The following CSMD1 variants were observed in gnomAD, a reference collection of about 807,000 sequenced individuals.
CSMD1 encodes the protein CUB and sushi domain-containing protein 1.
CSMD1 carries 213 observed loss-of-function variants against 417.5 expected under a neutral mutation model. That is an observed-to-expected ratio of 0.51 (90% CI 0.46 to 0.57). The LOEUF is 0.57. Ranked by LOEUF, CSMD1 falls within the 20% of genes least tolerant of loss-of-function variation. The pLI, the probability that CSMD1 is intolerant of heterozygous loss-of-function variation, is 0.00. For synonymous variants in CSMD1, 2,862 were observed against 1,736.8 expected (o/e 1.65, Z -16.11); for missense variants, 6,923 against 4,529.7 (o/e 1.53, Z -15.17).
Position 4,745,920 on chromosome 8 carries a change from C to T in CSMD1, c.86-108362G>A, listed in dbSNP as rs547836267. Among the ~76,000 whole-genome samples the T allele has an allele frequency of 3.3e-5, 5 of 152,308 alleles. No individual in the cohort carries two copies. In the South Asian group the frequency reaches 1.0e-3, roughly 32 times the overall value. ...ACTTCCGTGCAATCAAGTCAGCTAA[C>T]TTTTGAGCCACCATTTCCCCATTTG... On this transcript the variant is annotated intron_variant, in intron 1 of 69. Coordinates refer to ENST00000635120, the MANE Select transcript of CSMD1 (RefSeq NM_033225.6).
At chr8:4,824,907 C>G (rs1011121258) in intron 1 of CSMD1, among the ~76,000 whole-genome samples, 1 of 152,044 alleles carries the variant, frequency 6.6e-6, no homozygotes, top group South Asian at 2.1e-4. Context: ...GCTGTTACTG[C>G]TACACAAATG....
At chr8:4,879,151 TA>T (rs1372415609) in intron 1 of CSMD1, among the ~76,000 whole-genome samples, 1 of 151,980 alleles carries the variant, frequency 6.6e-6, no homozygotes, top group Non-Finnish European at 1.5e-5. Flanking sequence ...GTGGCAGCTT[TA>T]AAAAATATAA....
chr8:3,152,470 A>C (rs1819257230), intron 39 of CSMD1, among the ~76,000 whole-genome samples: 1 of 152,238 alleles, frequency 6.6e-6, no homozygotes, highest in Non-Finnish European at 1.5e-5. Context: ...ATTTTCTGGA[A>C]GCCCTCTTTT....
intron 3 of CSMD1, among the ~76,000 whole-genome samples, chr8:4,174,593 G>C (rs891704940): frequency 2.7e-5 from 4 of 149,958 alleles, no homozygotes; most frequent in Admixed American, 2.0e-4. Context: ...GATACACAAT[G>C]TCTGAAGCCT....
intron 1 of CSMD1, among the ~76,000 whole-genome samples, chr8:4,831,968 G>A (rs1007095409): frequency 6.6e-6 from 1 of 152,202 alleles, no homozygotes; most frequent in African/African-American, 2.4e-5. Flanking sequence ...GAGAAAAAGT[G>A]AGGGGAACTC....
At chr8:3,720,620 T>TTCTCTCACAC (rs72331833) in intron 6 of CSMD1, among the ~76,000 whole-genome samples, 114 of 143,418 alleles carry the variant, frequency 7.9e-4, no homozygotes, top group Non-Finnish European at 1.2e-3. Context: ...TCTTTATTCT[T>TTCTCTCACAC]ACACACACAC....
chr8:4,720,807 A>G (rs1360594361), intron 1 of CSMD1, among the ~76,000 whole-genome samples: 1 of 152,160 alleles, frequency 6.6e-6, no homozygotes, highest in Non-Finnish European at 1.5e-5. Flanking sequence ...CCATCTAAAG[A>G]TCAACAACGG....
chr8:4,136,900 A>G (rs765236167), intron 3 of CSMD1, among the ~76,000 whole-genome samples: 16 of 152,198 alleles, frequency 1.1e-4, no homozygotes, highest in Non-Finnish European at 2.2e-4. Context: ...AACAAAGAAA[A>G]CAGTCACAGC....
At chr8:4,187,434 G>A (rs952487884) in intron 3 of CSMD1, among the ~76,000 whole-genome samples, 1 of 152,030 alleles carries the variant, frequency 6.6e-6, no homozygotes, top group Non-Finnish European at 1.5e-5. Context: ...ATCACCTGAG[G>A]TCAGGAAGAG....
chr8:4,891,116 A>G (rs1490138108), intron 1 of CSMD1, among the ~76,000 whole-genome samples: 1 of 152,168 alleles, frequency 6.6e-6, no homozygotes, highest in Admixed American at 6.5e-5. Flanking sequence ...AGCCTTCCTG[A>G]GAGCAGAGGC....
chr8:3,307,579 T>G (rs1804974774), intron 25 of CSMD1, 116 bp downstream of exon 25: 2 of 1,222,942 alleles, frequency 1.6e-6, no homozygotes, highest in South Asian at 3.0e-5. Flanking sequence ...GCTTTACCTT[T>G]TCTTCTTTAG....
chr8:4,678,281 C>A (rs891932603), intron 1 of CSMD1, among the ~76,000 whole-genome samples: 1 of 151,828 alleles, frequency 6.6e-6, no homozygotes, highest in Non-Finnish European at 1.5e-5. Flanking sequence ...TGTGGTGGCA[C>A]GCACCTGTAG....
At chr8:3,384,633 T>A (rs1475732240) in intron 18 of CSMD1, among the ~76,000 whole-genome samples, 1 of 142,058 alleles carries the variant, frequency 7.0e-6, no homozygotes, top group Non-Finnish European at 1.5e-5. Context: ...AATTGCTATT[T>A]ATATATTGCT....
intron 1 of CSMD1, among the ~76,000 whole-genome samples, chr8:4,892,033 G>T (rs17433116): frequency 0.13 from 19,998 of 152,094 alleles, 1,493 homozygotes; most frequent in South Asian, 0.18. Context: ...AACACCACCA[G>T]ATGTAGAAAT....
At chr8:3,913,752 G>A (rs893292312) in intron 5 of CSMD1, among the ~76,000 whole-genome samples, 3 of 152,144 alleles carry the variant, frequency 2.0e-5, no homozygotes, top group Non-Finnish European at 4.4e-5. Context: ...GTGGGTCACA[G>A]GATGAGTTCT....
intron 3 of CSMD1, among the ~76,000 whole-genome samples, chr8:4,074,091 T>C (rs1313619129): frequency 1.3e-5 from 2 of 152,134 alleles, no homozygotes; most frequent in Non-Finnish European, 2.9e-5. Context: ...TTTTGTAATA[T>C]AATTTATTAA....
At chr8:3,676,446 T>G (rs1799379394) in intron 7 of CSMD1, among the ~76,000 whole-genome samples, 1 of 152,240 alleles carries the variant, frequency 6.6e-6, no homozygotes, top group Non-Finnish European at 1.5e-5. Context: ...TAACATTAGT[T>G]ATGTAGAAAT....
intron 3 of CSMD1, among the ~76,000 whole-genome samples, chr8:4,242,667 T>TTCACAGACCCCAATCCAGGGC (rs1802470230): frequency 6.6e-6 from 1 of 152,162 alleles, no homozygotes; most frequent in Non-Finnish European, 1.5e-5. Flanking sequence ...TCCTTCCAGG[T>TTCACAGACCCCAATCCAGGGC]TCACAGACCC....
At chr8:4,125,781 C>T (rs1307068838) in intron 3 of CSMD1, among the ~76,000 whole-genome samples, 1 of 152,044 alleles carries the variant, frequency 6.6e-6, no homozygotes, top group Non-Finnish European at 1.5e-5. Flanking sequence ...CTGATAGAGC[C>T]CTTATCAATT....
Sources: gnomAD v4.1 joint callset for allele counts (sites outside exome capture counted in the v4.1 genomes callset) on GRCh38, gnomAD v4.1.1 for gene constraint, MANE v1.5 for transcripts, NCBI Gene and HGNC (gene_info 2026-07-23, HGNC 2026-07-21) for gene names.